Variants in RARB observed in about 807,000 individuals in gnomAD.
RARB encodes the protein HBV-activated protein.
In RARB, 17 loss-of-function variants were observed where a neutral mutation model predicts 51.9. That is an observed-to-expected ratio of 0.33 (90% confidence interval 0.22 to 0.49). RARB has a LOEUF of 0.49. RARB is among the 20% of genes least tolerant of loss of function. The pLI is 0.99. For synonymous variants in RARB, 215 were observed against 195.4 expected, an observed-to-expected ratio of 1.10 and a Z score of -0.84; for missense variants, 369 against 550.8, an observed-to-expected ratio of 0.67 and a Z score of 3.30.
At chr3:25,420,461 G>T (rs1290568897) in intron 5 of RARB, among the ~76,000 whole-genome samples, 2 of 152,156 alleles carry the variant, frequency 1.3e-5, no homozygotes, top group Non-Finnish European at 2.9e-5. Flanking sequence ...GATCTAAGGG[G>T]CTCTCTCCAG....
chr3:25,172,138 C>T (rs192246460), intron 4 of RARB, among the ~76,000 whole-genome samples: 1 of 152,246 alleles, frequency 6.6e-6, no homozygotes, highest in African/African-American at 2.4e-5. Context: ...TCACTGTTGA[C>T]ACTGTTCGTT....
intron 4 of RARB, among the ~76,000 whole-genome samples, chr3:25,143,810 A>G (rs1247496271): frequency 6.6e-6 from 1 of 152,138 alleles, no homozygotes; most frequent in Non-Finnish European, 1.5e-5. Flanking sequence ...TGGGTCTCCA[A>G]TTTCCTAATT....
At chr3:25,132,804 G>A (rs924380840) in intron 4 of RARB, among the ~76,000 whole-genome samples, 12 of 151,824 alleles carry the variant, frequency 7.9e-5, no homozygotes, top group Non-Finnish European at 1.6e-4. Flanking sequence ...TCCACAATGT[G>A]TATATGTATC....
At chr3:25,359,101 A>G (rs1053321367) in intron 5 of RARB, among the ~76,000 whole-genome samples, 1 of 152,022 alleles carries the variant, frequency 6.6e-6, no homozygotes, top group African/African-American at 2.4e-5. Context: ...CTGTGAATCC[A>G]TCTGGTTCTG....
chr3:25,097,631 G>A (rs1699320674), intron 3 of RARB, among the ~76,000 whole-genome samples: 1 of 152,116 alleles, frequency 6.6e-6, no homozygotes, highest in Non-Finnish European at 1.5e-5. Flanking sequence ...CCAGCCTAGT[G>A]AGACATCATC....
chr3:25,056,995 G>A (rs1394757518), intron 2 of RARB, among the ~76,000 whole-genome samples: 2 of 152,032 alleles, frequency 1.3e-5, no homozygotes, highest in Non-Finnish European at 2.9e-5. Context: ...ATGTTCAGAA[G>A]TTGTATTTCA....
At chr3:24,835,685 T>C (rs906923629) in intron 1 of RARB, among the ~76,000 whole-genome samples, 2 of 152,170 alleles carry the variant, frequency 1.3e-5, no homozygotes, top group African/African-American at 4.8e-5. Flanking sequence ...CTGTAGTCTG[T>C]AGTAGGGCAC....
At chr3:24,912,996 T>TTTTTTTTTTTTTA (rs1491080482) in intron 2 of RARB, among the ~76,000 whole-genome samples, 3 of 133,076 alleles carry the variant, frequency 2.3e-5, no homozygotes, top group African/African-American at 8.6e-5. Context: ...TTTTTTTTTT[T>TTTTTTTTTTTTTA]TGGAGACAGA....
chr3:25,369,639 A>G lies in RARB; in HGVS notation c.179-91554A>G, dbSNP rs112423675. Among the ~76,000 whole-genome samples the G allele has an allele frequency of 5.6e-3, 859 of 152,288 alleles. 8 individuals carry two copies. The highest frequency in any genetic ancestry group is 0.02 in the African/African-American group (812 of 41,568). On this transcript the variant is annotated intron_variant, in intron 5 of 11. Coordinates refer to the RARB transcript ENST00000383772. ...AGCAGATTCAAAGATGTTCACTTTC[A>G]TGGCCAGGCGCGGTGGCTCACGCCT...
intron 5 of RARB, among the ~76,000 whole-genome samples, chr3:25,285,996 T>C (rs970949900): frequency 1.6e-4 from 24 of 152,064 alleles, no homozygotes; most frequent in African/African-American, 5.6e-4. Context: ...CTCCCTATTC[T>C]TATTTTCCTT....
chr3:25,544,414 T>C, intron 3 of RARB, among the ~76,000 whole-genome samples: 1 of 152,200 alleles, frequency 6.6e-6, no homozygotes, highest in East Asian at 1.9e-4. Context: ...AATAAGGTTC[T>C]CATGCTATAT....
intron 2 of RARB, among the ~76,000 whole-genome samples, chr3:24,865,390 T>C (rs146349657): frequency 1.7e-3 from 259 of 152,312 alleles, no homozygotes; most frequent in African/African-American, 6.0e-3. Flanking sequence ...ATTTTTTTTA[T>C]GCCAAGCATC....
intron 5 of RARB, among the ~76,000 whole-genome samples, chr3:25,385,515 GC>G (rs1327182716): frequency 6.6e-6 from 1 of 152,118 alleles, no homozygotes; most frequent in Non-Finnish European, 1.5e-5. Flanking sequence ...TCAGTCGGAG[GC>G]CCCCAAATGA....
At chr3:25,465,334 C>T (rs555109419) in intron 2 of RARB, among the ~76,000 whole-genome samples, 1 of 152,242 alleles carries the variant, frequency 6.6e-6, no homozygotes, top group South Asian at 2.1e-4. Context: ...AGCAGATGCA[C>T]CATAGGCCCC....
At chr3:24,895,828 G>A (rs572593975) in intron 2 of RARB, among the ~76,000 whole-genome samples, 2 of 152,200 alleles carry the variant, frequency 1.3e-5, no homozygotes, top group South Asian at 2.1e-4. Flanking sequence ...AAAAAATGAA[G>A]CATAGAATAA....
chr3:25,404,848 C>T (rs1414902422), intron 5 of RARB, among the ~76,000 whole-genome samples: 1 of 152,162 alleles, frequency 6.6e-6, no homozygotes, highest in Non-Finnish European at 1.5e-5. Context: ...ACCTCCAACC[C>T]AGTTGTTGAT....
intron 2 of RARB, among the ~76,000 whole-genome samples, chr3:25,041,861 A>G (rs1188432151): frequency 6.6e-6 from 1 of 152,164 alleles, no homozygotes; most frequent in Admixed American, 6.5e-5. Flanking sequence ...AATTAATTAA[A>G]TTTAAGTGGA....
intron 2 of RARB, among the ~76,000 whole-genome samples, chr3:25,027,918 T>G (rs4858686): frequency 0.68 from 103,037 of 152,098 alleles, 35,216 homozygotes; most frequent in East Asian, 0.87. Context: ...AGAAAAACGA[T>G]GGTTGTGCAC....
intron 3 of RARB, among the ~76,000 whole-genome samples, chr3:25,105,367 A>G (rs1424407557): frequency 6.6e-6 from 1 of 151,170 alleles, no homozygotes; most frequent in Non-Finnish European, 1.5e-5. Context: ...TAGCACTTTT[A>G]AAAAATTCAT....
Sources: allele counts gnomAD v4.1 joint callset (sites outside exome capture counted in the v4.1 genomes callset), GRCh38; gene constraint gnomAD v4.1.1; transcripts MANE v1.5; gene names NCBI Gene and HGNC (gene_info 2026-07-23, HGNC 2026-07-21).